WNT5B: variants seen among roughly 807,000 people sequenced by gnomAD.
WNT5B encodes the protein protein Wnt-5b.
In WNT5B, 18 loss-of-function variants were observed where a neutral mutation model predicts 36.5. The ratio of observed to expected loss-of-function variants is 0.49; its 90% CI spans 0.34 to 0.73. The LOEUF (loss-of-function observed/expected upper bound fraction) is 0.73. WNT5B is among the 30% of genes least tolerant of loss of function. WNT5B has a pLI of 0.01. For synonymous variants in WNT5B, 213 were observed against 212.3 expected (o/e 1.00, Z -0.03); for missense variants, 424 against 508.4 (o/e 0.83, Z 1.60).
chr12:1,626,976 C>T (rs1450718467), upstream of WNT5B, among the ~76,000 whole-genome samples: 1 of 152,116 alleles, frequency 6.6e-6, no homozygotes, highest in Non-Finnish European at 1.5e-5. Context: ...TCCCACATAC[C>T]CCTGTGTACT....
At chr12:1,631,491 G>A (rs1015932556) in intron 2 of WNT5B, 57 bp downstream of exon 2, 6 of 1,611,684 alleles carry the variant, frequency 3.7e-6, no homozygotes, top group Non-Finnish European at 5.1e-6. Flanking sequence ...TTCAGCGACT[G>A]AGATGAGGAG....
chr12:1,646,337 T>G lies in WNT5B; in HGVS notation c.*85T>G. 8.7e-7 allele frequency: 1 copy of G among 1,154,622 alleles called. No individual in the cohort carries two copies. The highest frequency in any genetic ancestry group is 1.6e-5 in the African/African-American group (1 of 63,644). The allele number at this position is 1,154,622 out of a possible 1,614,324, so 71.5% of individuals were successfully genotyped here. A position where few individuals can be genotyped will look rare whatever the true frequency, so the allele number is the denominator to read the frequency against. ...AATCTATATAAATCTATTTTATATTTGTATAAGTAAATGGGTGGGTGCTAT... is the reference window on the plus strand; with the variant it reads ...AATCTATATAAATCTATTTTATATTGGTATAAGTAAATGGGTGGGTGCTAT... On this transcript the variant is annotated 3_prime_UTR_variant, in exon 5 of 5. Coordinates refer to ENST00000397196, the MANE Select transcript of WNT5B (RefSeq NM_032642.3).
chr12:1,641,246 C>T (rs1234652790), intron 4 of WNT5B, among the ~76,000 whole-genome samples: 4 of 151,992 alleles, frequency 2.6e-5, no homozygotes, highest in Non-Finnish European at 5.9e-5. Context: ...ATTAGCTGGA[C>T]TTGGTGGCAG....
chr12:1,631,298 G>T lies in WNT5B; in HGVS notation c.-57G>T. On this transcript the variant is annotated splice_region_variant and 5_prime_UTR_variant, in exon 2 of 5. Coordinates refer to ENST00000397196, the MANE Select transcript of WNT5B (RefSeq NM_032642.3). ...GACTCTCCATTTCTGTTTTCTCCAG[G>T]GAACCCTACTCTGGAAACTGTCAGT... The T allele has an allele frequency of 1.9e-6, 3 of 1,603,190 alleles. No homozygotes were observed. Among genetic ancestry groups the T allele is most frequent in the Non-Finnish European group, 2.6e-6 (3 of 1,173,050 alleles).
rs61732672 is a variant in WNT5B at position 1,631,388 on chromosome 12, C to T, written c.34C>T (p.Leu12=). 4.5e-4 allele frequency: 731 copies of T among 1,614,178 alleles called. 4 individuals carry two copies. Among genetic ancestry groups the T allele is most frequent in the South Asian group, 3.1e-3 (285 of 91,072 alleles). The change falls in exon 2 of 5, where the codon CTG becomes TTG. Residue 12 remains leucine (L), a synonymous_variant. Transcript: ENST00000397196. Reference sequence around the variant, plus strand: ...CCTGCTGCTGCTGTTCACGGCTGCTCTGCTGTCCAGCTGGGCTCAGCTTCT... The same window carrying T: ...CCTGCTGCTGCTGTTCACGGCTGCTTTGCTGTCCAGCTGGGCTCAGCTTCT... ...PSLLLLFTAA[L]LSSWAQLLTD...
upstream of WNT5B, among the ~76,000 whole-genome samples, chr12:1,629,043 A>ATT (rs373799013): frequency 1.2e-4 from 17 of 139,614 alleles, no homozygotes; most frequent in African/African-American, 4.1e-4. Flanking sequence ...TTGGGGGGCA[A>ATT]TTTTTAAAAA....
upstream of WNT5B, among the ~76,000 whole-genome samples, chr12:1,627,115 T>C (rs1196072626): frequency 6.6e-6 from 1 of 152,114 alleles, no homozygotes; most frequent in Non-Finnish European, 1.5e-5. The surrounding 1 kb of genome is among the most constrained non-coding windows in gnomAD (Gnocchi z 5.0). Context: ...GGCTAAAACA[T>C]GCAAGAAGCT....
upstream of WNT5B, among the ~76,000 whole-genome samples, chr12:1,625,673 C>CT (rs1359807319): frequency 3.3e-5 from 5 of 152,094 alleles, no homozygotes; most frequent in East Asian, 3.9e-4. Flanking sequence ...TGTTTTTTCT[C>CT]TTTTTTTTGA....
chr12:1,628,908 T>G (rs2094544816), upstream of WNT5B, among the ~76,000 whole-genome samples: 1 of 151,434 alleles, frequency 6.6e-6, no homozygotes, highest in African/African-American at 2.4e-5. Flanking sequence ...CTGAGGGGGC[T>G]GGTGTGTGTG....
At chr12:1,623,191 T>TTTTTTTG (rs2094536424) in intron 1 of WNT5B, among the ~76,000 whole-genome samples, 1 of 106,244 alleles carries the variant, frequency 9.4e-6, no homozygotes, top group Non-Finnish European at 1.9e-5. Flanking sequence ...TTTGTTGTTT[T>TTTTTTTG]TTTTTTTTTT....
rs2094552801 is a variant in WNT5B, at chr12:1,632,538, T to C, written c.81-120T>C. 4.2e-6 allele frequency: 6 copies of C among 1,418,212 alleles called. No individual in the cohort carries two copies. The highest frequency in any genetic ancestry group is 5.7e-6 in the Non-Finnish European group (6 of 1,054,862). 87.9% of individuals were successfully genotyped at this position (1,418,212 alleles called of 1,614,324 possible). A position where few individuals can be genotyped will look rare whatever the true frequency, so the allele number is the denominator to read the frequency against. ...GCACTCTGATTTACTAATTTTTCTTTCCAGGGCCTTGTACACAGGGACGCA... is the reference window on the plus strand; with the variant it reads ...GCACTCTGATTTACTAATTTTTCTTCCCAGGGCCTTGTACACAGGGACGCA... On this transcript the variant is annotated intron_variant, in intron 2 of 4. Coordinates refer to ENST00000397196, the MANE Select transcript of WNT5B (RefSeq NM_032642.3). This position sits in a 1 kb window ranked among gnomAD's most constrained non-coding sequence, Gnocchi z 5.8.
At chr12:1,626,781 G>T (rs542699471), upstream of WNT5B, among the ~76,000 whole-genome samples, 3 of 150,984 alleles carry the variant, frequency 2.0e-5, no homozygotes, top group Non-Finnish European at 4.4e-5. Flanking sequence ...TAGCCAGGAT[G>T]GTCTCGATCT....
chr12:1,637,200 A>G (rs1045715859), intron 3 of WNT5B, among the ~76,000 whole-genome samples: 1 of 152,144 alleles, frequency 6.6e-6, no homozygotes, highest in African/African-American at 2.4e-5. Flanking sequence ...CCACATTTTG[A>G]TTACCCATTT....
rs564179766 is a variant in WNT5B at position 1,636,655 on chromosome 12, C to T, written c.329-3029C>T. Among the ~76,000 whole-genome samples, 4 of 151,386 alleles carry T rather than the reference C, an allele frequency of 2.6e-5. No individual in the cohort carries two copies. The East Asian group carries it at 7.7e-4, about 29-fold the overall frequency. On this transcript the variant is annotated intron_variant, in intron 3 of 4. Transcript: ENST00000397196. ...TCCTGGGCTTAAACAATTCTTCCAC[C>T]TCAACCTCCTGAGTAGCTGGGACTA...
chr12:1,627,720 G>T (rs1055316047), upstream of WNT5B, among the ~76,000 whole-genome samples: 1 of 152,286 alleles, frequency 6.6e-6, no homozygotes, highest in South Asian at 2.1e-4. The surrounding 1 kb of genome is among the most constrained non-coding windows in gnomAD (Gnocchi z 5.0). Context: ...TCTAGAGGGG[G>T]TCTTGGAGGT....
At chr12:1,623,467 T>C (rs905348196) in intron 1 of WNT5B, among the ~76,000 whole-genome samples, 1 of 152,076 alleles carries the variant, frequency 6.6e-6, no homozygotes, top group African/African-American at 2.4e-5. Context: ...AGTGCTGGGA[T>C]TACAGGCTTG....
At position 1,630,195 on chromosome 12, in the gene WNT5B, T is replaced by G; in HGVS notation, c.-58+824T>G. On this transcript the variant is annotated intron_variant, in intron 1 of 4. Transcript: ENST00000397196. This position sits in a 1 kb window ranked among gnomAD's most constrained non-coding sequence, Gnocchi z 5.3. ...ACGCCGACGCGCGAGAGTGGCGCAG[T>G]GAGCCGGGGCGCGCGGGGCTGCGCT... is the stretch of plus-strand genomic sequence containing the variant. 3.0e-6 allele frequency: 3 copies of G among 985,212 alleles called. No individual in the cohort carries two copies. The highest frequency in any genetic ancestry group is 3.6e-6 in the Non-Finnish European group (3 of 829,864). The allele number at this position is 985,212 out of a possible 1,614,324, so 61.0% of individuals were successfully genotyped here.
chr12:1,621,303 C>G (rs2094533516), intron 1 of WNT5B, among the ~76,000 whole-genome samples: 1 of 152,092 alleles, frequency 6.6e-6, no homozygotes, highest in African/African-American at 2.4e-5. Context: ...AGACAGAGAA[C>G]ACGCATGATT....
chr12:1,624,688 G>A (rs1205278346), upstream of WNT5B, among the ~76,000 whole-genome samples: 1 of 152,194 alleles, frequency 6.6e-6, no homozygotes, highest in Non-Finnish European at 1.5e-5. Context: ...TCAATCAAAA[G>A]ACATTTGTTA....
Sources: allele counts gnomAD v4.1 joint callset (sites outside exome capture counted in the v4.1 genomes callset), GRCh38; gene constraint gnomAD v4.1.1; non-coding constraint Gnocchi (gnomAD v3.1); transcripts MANE v1.5; gene names NCBI Gene and HGNC (gene_info 2026-07-23, HGNC 2026-07-21).